The following RBFOX1 variants were observed in gnomAD, a reference collection of about 807,000 sequenced individuals.
RBFOX1 encodes the protein RNA binding protein fox-1 homolog 1.
A neutral mutation model predicts 57.7 loss-of-function variants in RBFOX1; 8 were observed. The observed-to-expected ratio is 0.14, with a 90% confidence interval of 0.08 to 0.25. The LOEUF (loss-of-function observed/expected upper bound fraction) is 0.25, where lower values mean the gene tolerates loss of function less well. Ranked by LOEUF, RBFOX1 falls within the 10% of genes least tolerant of loss-of-function variation. RBFOX1 has a pLI of 1.00. For synonymous variants in RBFOX1, 326 were observed against 222.4 expected (o/e 1.47, Z -4.15); for missense variants, 611 against 548.5 (o/e 1.11, Z -1.14).
At chr16:7,007,744 T>C (rs1315366447) in intron 3 of RBFOX1, among the ~76,000 whole-genome samples, 2 of 152,160 alleles carry the variant, frequency 1.3e-5, no homozygotes, top group African/African-American at 4.8e-5. Flanking sequence ...GAAAATCATC[T>C]CATTTCCCTA....
At chr16:5,410,307 G>A (rs916257713) in intron 1 of RBFOX1, among the ~76,000 whole-genome samples, 1 of 151,924 alleles carries the variant, frequency 6.6e-6, no homozygotes, top group African/African-American at 2.4e-5. Context: ...CAGAGGTTGA[G>A]GCTGCAATGA....
At chr16:5,282,212 C>T (rs1403337411) in intron 1 of RBFOX1, among the ~76,000 whole-genome samples, 2 of 152,218 alleles carry the variant, frequency 1.3e-5, no homozygotes, top group Non-Finnish European at 2.9e-5. Flanking sequence ...ACTTGCCTCT[C>T]CTTGACTTCC....
intron 2 of RBFOX1, among the ~76,000 whole-genome samples, chr16:6,415,289 TACAGTGTA>T (rs1204986431): frequency 6.7e-6 from 1 of 148,406 alleles, no homozygotes; most frequent in Non-Finnish European, 1.5e-5. Context: ...TGAGAAATCC[TACAGTGTA>T]ACAGGGTACT....
chr16:7,000,680 C>T (rs2092711131), intron 3 of RBFOX1, among the ~76,000 whole-genome samples: 1 of 137,798 alleles, frequency 7.3e-6, no homozygotes, highest in East Asian at 2.4e-4. Context: ...TCTCGGCTCA[C>T]TGCAACCTCT....
intron 2 of RBFOX1, among the ~76,000 whole-genome samples, chr16:5,596,000 G>A (rs1167844642): frequency 6.6e-6 from 1 of 152,144 alleles, no homozygotes; most frequent in African/African-American, 2.4e-5. Context: ...AAGGCTTCCT[G>A]TGCTCCTGAT....
At chr16:6,287,056 G>A (rs536144059) in intron 1 of RBFOX1, among the ~76,000 whole-genome samples, 1 of 152,030 alleles carries the variant, frequency 6.6e-6, no homozygotes, top group African/African-American at 2.4e-5. Flanking sequence ...GTTGGGCTGG[G>A]TATAAAATGA....
chr16:5,952,614 T>C (rs2059544058), intron 4 of RBFOX1, among the ~76,000 whole-genome samples: 1 of 152,214 alleles, frequency 6.6e-6, no homozygotes, highest in Admixed American at 6.5e-5. Flanking sequence ...TCTTATGTTA[T>C]TTACCATTAT....
chr16:6,901,752 C>T lies in RBFOX1; in HGVS notation c.-15-150305C>T, dbSNP rs531786169. Reference sequence around the variant, plus strand: ...TTTGAAGTAAATACTGCTTCAGACCCAGTAGAGATTAACACTCATAGATGA... The same window carrying T: ...TTTGAAGTAAATACTGCTTCAGACCTAGTAGAGATTAACACTCATAGATGA... On this transcript the variant is annotated intron_variant, in intron 3 of 15. Coordinates refer to ENST00000550418, the MANE Select transcript of RBFOX1 (RefSeq NM_018723.4). Among the ~76,000 whole-genome samples, 115 of 152,210 alleles carry T rather than the reference C, an allele frequency of 7.6e-4. 1 individual carries two copies. Among genetic ancestry groups the T allele is most frequent in the Non-Finnish European group, 1.5e-4 (10 of 68,016 alleles).
In RBFOX1 at chr16:6,964,354, T is replaced by A. The variant is rs117888428; in HGVS notation, c.-15-87703T>A. ...TTTTTAGGGCAGTGAAAATACTCTA[T>A]GTGACACTGTAATGGTGGATCTGTG... On this transcript the variant is annotated intron_variant, in intron 3 of 15. Transcript: ENST00000550418. Among the ~76,000 whole-genome samples, 58 of 152,334 alleles carry A rather than the reference T, an allele frequency of 3.8e-4. No individual in the cohort carries two copies. In the East Asian group the frequency reaches 0.011, roughly 28 times the overall value.
chr16:6,685,390 C>T (rs983888884), intron 3 of RBFOX1, among the ~76,000 whole-genome samples: 4 of 150,610 alleles, frequency 2.7e-5, no homozygotes, highest in Admixed American at 1.3e-4. Context: ...ATTCTCTTGC[C>T]TCAGCCACCT....
intron 3 of RBFOX1, among the ~76,000 whole-genome samples, chr16:5,760,602 T>G (rs950233479): frequency 6.6e-6 from 1 of 152,174 alleles, no homozygotes; most frequent in African/African-American, 2.4e-5. Flanking sequence ...CTGGTATGGA[T>G]GAACCTTGAA....
At chr16:7,674,510 A>G (rs2072657651) in intron 13 of RBFOX1, among the ~76,000 whole-genome samples, 1 of 152,206 alleles carries the variant, frequency 6.6e-6, no homozygotes, top group Admixed American at 6.5e-5. Flanking sequence ...CTGGCTCTGG[A>G]GAGTTAAGGA....
chr16:6,087,735 C>T (rs1055064945), intron 1 of RBFOX1, among the ~76,000 whole-genome samples: 1 of 151,886 alleles, frequency 6.6e-6, no homozygotes, highest in African/African-American at 2.4e-5. Context: ...TCACTGCACC[C>T]TGTGTCTCCT....
At chr16:7,653,494 A>G (rs1353921950) in intron 11 of RBFOX1, among the ~76,000 whole-genome samples, 1 of 152,206 alleles carries the variant, frequency 6.6e-6, no homozygotes, top group African/African-American at 2.4e-5. Context: ...TGACAGAGCC[A>G]GTCCCTGTCT....
intron 4 of RBFOX1, among the ~76,000 whole-genome samples, chr16:5,966,821 G>A (rs1026753493): frequency 1.3e-5 from 2 of 152,042 alleles, no homozygotes; most frequent in African/African-American, 4.8e-5. Context: ...TAGGGGGGCA[G>A]ATCCAAACCA....
At chr16:7,141,217 T>G (rs2073689949) in intron 4 of RBFOX1, among the ~76,000 whole-genome samples, 1 of 151,800 alleles carries the variant, frequency 6.6e-6, no homozygotes, top group Non-Finnish European at 1.5e-5. Flanking sequence ...AATGGGTGAG[T>G]GTTAGTGCTG....
intron 1 of RBFOX1, among the ~76,000 whole-genome samples, chr16:6,174,899 A>G (rs765135780): frequency 2.0e-5 from 3 of 152,132 alleles, no homozygotes; most frequent in Non-Finnish European, 4.4e-5. Context: ...CCAATAGTCT[A>G]CTGCTTAAAA....
chr16:5,549,107 T>G (rs1338643378), intron 2 of RBFOX1, among the ~76,000 whole-genome samples: 1 of 152,186 alleles, frequency 6.6e-6, no homozygotes, highest in African/African-American at 2.4e-5. Context: ...CTTCCAAAGA[T>G]GACCCTATGA....
rs551837910 is a variant in RBFOX1 at position 6,895,180 on chromosome 16, T to C, written c.-15-156877T>C. Among the ~76,000 whole-genome samples, 12 of 152,170 alleles carry C rather than the reference T, an allele frequency of 7.9e-5. No homozygotes were observed. In the South Asian group the frequency reaches 2.5e-3, roughly 32 times the overall value. ...GATGATCTATATTAACAAAATCCTC[T>C]AGTTTTGTGATGTTCTAGGAATTAA... On this transcript the variant is annotated intron_variant, in intron 3 of 15. Transcript: ENST00000550418.
Sources: gnomAD v4.1 joint callset for allele counts (sites outside exome capture counted in the v4.1 genomes callset) on GRCh38, gnomAD v4.1.1 for gene constraint, MANE v1.5 for transcripts, NCBI Gene and HGNC (gene_info 2026-07-23, HGNC 2026-07-21) for gene names.